Variants in ROBO2 observed in about 807,000 individuals in gnomAD.
The protein encoded by ROBO2 is roundabout homolog 2.
A neutral mutation model predicts 160.8 loss-of-function variants in ROBO2; 53 were observed. That is an observed-to-expected ratio of 0.33 (90% CI 0.26 to 0.41). The LOEUF (loss-of-function observed/expected upper bound fraction) is 0.41. Ranked by LOEUF, ROBO2 falls within the 10% of genes least tolerant of loss-of-function variation. The pLI is 1.00. For missense variants in ROBO2, 1,577 were observed against 1,722.4 expected (o/e 0.92, Z 1.49); for synonymous variants, 664 against 611.7 (o/e 1.09, Z -1.26).
At chr3:76,225,741 A>G (rs1413513495) in intron 2 of ROBO2, among the ~76,000 whole-genome samples, 1 of 152,130 alleles carries the variant, frequency 6.6e-6, no homozygotes, top group Non-Finnish European at 1.5e-5. Context: ...AATAAAATAA[A>G]ATAAAAATTC....
rs144644165 is a variant in ROBO2 at position 77,200,267 on chromosome 3, TTATATATATATATATATATATATATATA to T, written c.388+101955_388+101982del. Among the ~76,000 whole-genome samples the T allele has an allele frequency of 6.9e-3, 323 of 46,600 alleles. 8 individuals are homozygous for T. Among genetic ancestry groups the T allele is most frequent in the Admixed American group, 0.019 (78 of 4,028 alleles). 30.6% of individuals were successfully genotyped at this position (46,600 alleles called of 152,430 possible). ...GTATGTATATCCTAACTAACATATT[TTATATATATATATATATATATATATATA>T]TATATATATATATATATATATATAT... On this transcript the variant is annotated intron_variant, in intron 2 of 25. Transcript: ENST00000461745.
chr3:76,881,426 A>G (rs1211691268), intron 2 of ROBO2, among the ~76,000 whole-genome samples: 1 of 152,182 alleles, frequency 6.6e-6, no homozygotes, highest in Non-Finnish European at 1.5e-5. Flanking sequence ...TTAAACTTAG[A>G]AAAGTATGGC....
intron 19 of ROBO2, 95 bp downstream of exon 20, chr3:77,596,845 A>T: frequency 3.6e-6 from 5 of 1,384,980 alleles, no homozygotes; most frequent in Non-Finnish European, 5.1e-6. Context: ...CATATCAGAG[A>T]GTATTTACTC....
At chr3:76,987,605 C>T (rs2060452337) in intron 2 of ROBO2, among the ~76,000 whole-genome samples, 1 of 152,076 alleles carries the variant, frequency 6.6e-6, no homozygotes, top group African/African-American at 2.4e-5. Flanking sequence ...AAAAATTAGC[C>T]TGATCTTCCA....
At chr3:77,234,288 A>G (rs562899733) in intron 2 of ROBO2, among the ~76,000 whole-genome samples, 2 of 152,244 alleles carry the variant, frequency 1.3e-5, no homozygotes, top group East Asian at 3.9e-4. Flanking sequence ...TTGTGACATC[A>G]TTACCATCTC....
chr3:76,337,857 C>T (rs1311086327), intron 2 of ROBO2, among the ~76,000 whole-genome samples: 1 of 152,034 alleles, frequency 6.6e-6, no homozygotes, highest in Non-Finnish European at 1.5e-5. Flanking sequence ...TAAAACCCAA[C>T]GTTCAAAAGT....
intron 2 of ROBO2, among the ~76,000 whole-genome samples, chr3:76,521,206 G>A (rs2081598610): frequency 6.6e-6 from 1 of 151,934 alleles, no homozygotes; most frequent in Non-Finnish European, 1.5e-5. Context: ...GCGTCACCAC[G>A]CTTGGCTAAT....
At position 77,507,315 on chromosome 3, in the gene ROBO2, C is replaced by A. The variant is rs372410572; in HGVS notation, c.806+13933C>A. Among the ~76,000 whole-genome samples, 23 of 152,274 alleles carry A rather than the reference C, an allele frequency of 1.5e-4. No homozygotes were observed. In the East Asian group the frequency reaches 4.2e-3, roughly 28 times the overall value. On this transcript the variant is annotated intron_variant, in intron 5 of 25. Transcript: ENST00000461745. ...GAACATCCCTCTGATAATGTAGTCACTTCCCCAGCTAGTTCTCAGTTTGAA... is the reference window on the plus strand; with the variant it reads ...GAACATCCCTCTGATAATGTAGTCAATTCCCCAGCTAGTTCTCAGTTTGAA...
chr3:76,926,510 C>T (rs1007905079), intron 2 of ROBO2, among the ~76,000 whole-genome samples: 1 of 152,128 alleles, frequency 6.6e-6, no homozygotes, highest in Non-Finnish European at 1.5e-5. Context: ...GGAAGTATAT[C>T]GTCTCCTGTG....
intron 2 of ROBO2, among the ~76,000 whole-genome samples, chr3:76,995,697 G>A (rs1323150766): frequency 6.6e-6 from 1 of 152,100 alleles, no homozygotes; most frequent in Non-Finnish European, 1.5e-5. Flanking sequence ...TTCTCTGATG[G>A]CCAGTGATGA....
chr3:76,209,909 A>G (rs1703036272), intron 2 of ROBO2, among the ~76,000 whole-genome samples: 1 of 152,128 alleles, frequency 6.6e-6, no homozygotes, highest in Admixed American at 6.6e-5. Context: ...TGACATGATC[A>G]AATTTGACTT....
intron 21 of ROBO2, among the ~76,000 whole-genome samples, chr3:77,609,103 C>T (rs1266384797): frequency 6.6e-6 from 1 of 151,600 alleles, no homozygotes; most frequent in East Asian, 1.9e-4. Flanking sequence ...TATGTATACA[C>T]ACATACGCGA....
At chr3:75,969,899 T>A (rs2064943047) in intron 2 of ROBO2, among the ~76,000 whole-genome samples, 1 of 151,642 alleles carries the variant, frequency 6.6e-6, no homozygotes, top group African/African-American at 2.4e-5. Context: ...GCAGTCTTAC[T>A]TGCTTATTTT....
intron 2 of ROBO2, among the ~76,000 whole-genome samples, chr3:76,055,871 G>T (rs2067827617): frequency 6.6e-6 from 1 of 152,056 alleles, no homozygotes; most frequent in Non-Finnish European, 1.5e-5. Flanking sequence ...CGATTCTCCT[G>T]CCTCAGCCTC....
At chr3:77,186,239 T>C (rs2081280133) in intron 2 of ROBO2, among the ~76,000 whole-genome samples, 1 of 151,870 alleles carries the variant, frequency 6.6e-6, no homozygotes, top group Non-Finnish European at 1.5e-5. Context: ...GACAAAAATG[T>C]TTAATGTCAT....
intron 2 of ROBO2, among the ~76,000 whole-genome samples, chr3:77,380,788 G>C (rs893618091): frequency 2.0e-5 from 3 of 148,804 alleles, no homozygotes; most frequent in Non-Finnish European, 4.4e-5. Context: ...TCTGTATAAA[G>C]ATGAATATTT....
intron 2 of ROBO2, among the ~76,000 whole-genome samples, chr3:75,960,830 G>A (rs1485761544): frequency 6.6e-6 from 1 of 151,542 alleles, no homozygotes; most frequent in East Asian, 2.0e-4. Context: ...TTACAGAGTT[G>A]GGATCAAATA....
Position 76,401,317 on chromosome 3 carries a change from C to T in ROBO2, c.109+463715C>T, listed in dbSNP as rs938844947. On this transcript the variant is annotated intron_variant, in intron 2 of 26. Coordinates refer to the ROBO2 transcript ENST00000487694. ...AATGACACACTACGTGACTGTAGTG[C>T]CCATTCTAATTTGAAGATGCTAGAC... 2.6e-5 allele frequency among the ~76,000 whole-genome samples: 4 copies of T among 151,404 alleles called. No individual in the cohort carries two copies. The Admixed American group carries it at 2.6e-4, about 10-fold the overall frequency.
chr3:77,302,395 T>C (rs2062742158), intron 2 of ROBO2, among the ~76,000 whole-genome samples: 1 of 152,202 alleles, frequency 6.6e-6, no homozygotes, highest in Non-Finnish European at 1.5e-5. Context: ...TTCTTCTGAC[T>C]GAAGCCTTAT....
Sources: allele counts gnomAD v4.1 joint callset (sites outside exome capture counted in the v4.1 genomes callset), GRCh38; gene constraint gnomAD v4.1.1; transcripts MANE v1.5; gene names NCBI Gene and HGNC (gene_info 2026-07-23, HGNC 2026-07-21).